ZNF365: variants seen among roughly 807,000 people sequenced by gnomAD.
ZNF365 encodes zinc finger protein 365.
In ZNF365, 22 loss-of-function variants were observed where a neutral mutation model predicts 35.0. The observed-to-expected ratio is 0.63, with a 90% CI of 0.45 to 0.90. The LOEUF is 0.90. ZNF365 is among the 40% of genes least tolerant of loss of function. The probability of loss-of-function intolerance (pLI) is 0.00; values close to 1 mark genes in which losing one functional copy is unlikely to be tolerated. For synonymous variants in ZNF365, 188 were observed against 196.2 expected, an observed-to-expected ratio of 0.96 and a Z score of 0.35; for missense variants, 448 against 500.3, an observed-to-expected ratio of 0.90 and a Z score of 1.00.
intron 3 of ZNF365, among the ~76,000 whole-genome samples, chr10:62,432,122 C>G (rs540276879): frequency 6.6e-6 from 1 of 152,170 alleles, no homozygotes; most frequent in Non-Finnish European, 1.5e-5. Flanking sequence ...CTTGAGACTT[C>G]CAGCAGTATT....
chr10:62,470,655 G>T (rs983496945), intron 4 of ZNF365, among the ~76,000 whole-genome samples: 1 of 152,196 alleles, frequency 6.6e-6, no homozygotes, highest in Non-Finnish European at 1.5e-5. Context: ...TGTTATGACA[G>T]TGCTGGGGTT....
At chr10:62,412,049 C>A (rs1839992639) in intron 3 of ZNF365, among the ~76,000 whole-genome samples, 2 of 152,066 alleles carry the variant, frequency 1.3e-5, no homozygotes, top group Admixed American at 6.6e-5. Context: ...AAAATACTGG[C>A]AAACCGAATC....
At position 62,390,214 on chromosome 10, in the gene ZNF365, C is replaced by T. The variant is rs116777859; in HGVS notation, c.924+1638C>T. Among the ~76,000 whole-genome samples, 1,409 of 152,250 alleles carry T rather than the reference C, an allele frequency of 9.3e-3. 30 individuals carry two copies. Among genetic ancestry groups the T allele is most frequent in the African/African-American group, 0.032 (1,332 of 41,542 alleles). ...TTCTGTAAAATGAAGGGGTTGGATT[C>T]AGTGCTTTCCAGGTTGTTTTGGCCT... On this transcript the variant is annotated intron_variant, in intron 3 of 4. Transcript: ENST00000395254.
chr10:62,435,347 T>C (rs1840391722), intron 3 of ZNF365, among the ~76,000 whole-genome samples: 1 of 152,194 alleles, frequency 6.6e-6, no homozygotes, highest in Admixed American at 6.5e-5. Context: ...CTTAACCTTC[T>C]GAATAATACT....
At chr10:62,472,069 A>G (rs1340613721) in intron 4 of ZNF365, among the ~76,000 whole-genome samples, 1 of 152,228 alleles carries the variant, frequency 6.6e-6, no homozygotes, top group Admixed American at 6.5e-5. Flanking sequence ...ATAGCACAAT[A>G]CACAGCCTGC....
At chr10:62,382,448 C>G (rs959073719) in intron 2 of ZNF365, among the ~76,000 whole-genome samples, 3 of 152,198 alleles carry the variant, frequency 2.0e-5, no homozygotes. Context: ...AGCATATCCT[C>G]TCAGGGTTGG....
In ZNF365 at chr10:62,430,300, C is replaced by A. The variant is rs565135333; in HGVS notation, c.925-29441C>A. 2.0e-3 allele frequency among the ~76,000 whole-genome samples: 291 copies of A among 143,948 alleles called. 1 individual carries two copies. The highest frequency in any genetic ancestry group is 7.9e-3 in the Middle Eastern group (2 of 252). 94.4% of individuals were successfully genotyped at this position (143,948 alleles called of 152,430 possible). ...GGTTCACGCCATTCTCCTGCCTCAG[C>A]CTCCTGAGTAGCTGGGACTACAGGT... On this transcript the variant is annotated intron_variant, in intron 3 of 4. Coordinates refer to the ZNF365 transcript ENST00000395255.
At chr10:62,395,675 G>C (rs977967226) in intron 3 of ZNF365, among the ~76,000 whole-genome samples, 1 of 151,890 alleles carries the variant, frequency 6.6e-6, no homozygotes, top group African/African-American at 2.4e-5. Flanking sequence ...CATTCTAAAT[G>C]CTCCAAAATC....
At chr10:62,397,443 G>A (rs1839748323) in intron 3 of ZNF365, among the ~76,000 whole-genome samples, 2 of 152,114 alleles carry the variant, frequency 1.3e-5, no homozygotes, top group African/African-American at 4.8e-5. Context: ...TATTTTATTT[G>A]TCGTTTCTCT....
chr10:62,375,251 T>C lies in ZNF365; in HGVS notation c.-14+793T>C, dbSNP rs1056275947. On this transcript the variant is annotated intron_variant, in intron 1 of 4. Transcript: ENST00000395254. ...ACAAGGAAACCAGAACTTCCTGTTA[T>C]TAAGAGAGTATGCTGATACCTACCT... is the stretch of plus-strand genomic sequence containing the variant. Among the ~76,000 whole-genome samples, 17 of 152,316 alleles carry C rather than the reference T, an allele frequency of 1.1e-4. No homozygotes were observed. The East Asian group carries it at 2.7e-3, about 24-fold the overall frequency.
intron 4 of ZNF365, among the ~76,000 whole-genome samples, chr10:62,463,861 G>A (rs1298264855): frequency 6.6e-6 from 1 of 152,140 alleles, no homozygotes; most frequent in Non-Finnish European, 1.5e-5. Context: ...GCTTTTTCAA[G>A]GTTGCATCCA....
intron 2 of ZNF365, among the ~76,000 whole-genome samples, chr10:62,383,570 TA>T (rs1564567966): frequency 1.3e-5 from 2 of 152,152 alleles, no homozygotes. Context: ...TAGATTATAA[TA>T]CATGATAGGA....
chr10:62,381,851 G>A (rs548186164), intron 2 of ZNF365, among the ~76,000 whole-genome samples: 3 of 152,292 alleles, frequency 2.0e-5, no homozygotes, highest in Non-Finnish European at 1.5e-5. Context: ...GCAGTGACAC[G>A]TAGAATCTGT....
At chr10:62,378,749 AC>A (rs2132408255) in intron 2 of ZNF365, among the ~76,000 whole-genome samples, 1 of 152,262 alleles carries the variant, frequency 6.6e-6, no homozygotes, top group Non-Finnish European at 1.5e-5. Context: ...TGTGACACAT[AC>A]TGTTCTGCCA....
rs991030732 is a variant in ZNF365 at position 62,401,885 on chromosome 10, C to T, written c.*2096C>T. 15 of 985,242 alleles carry T rather than the reference C, an allele frequency of 1.5e-5. No homozygotes were observed. In the African/African-American group the frequency reaches 1.9e-4, roughly 13 times the overall value. The allele number at this position is 985,242 out of a possible 1,614,324, so 61.0% of individuals were successfully genotyped here. A position where few individuals can be genotyped will look rare whatever the true frequency, so the allele number is the denominator to read the frequency against. ...TCATCCTACTCTACATTTCACAAGA[C>T]GAATTATTTTGAGATTTGTTTATTA... On this transcript the variant is annotated 3_prime_UTR_variant, in exon 5 of 5. Transcript: ENST00000395254.
intron 3 of ZNF365, among the ~76,000 whole-genome samples, chr10:62,393,909 G>A (rs963750064): frequency 2.6e-5 from 4 of 152,058 alleles, no homozygotes; most frequent in African/African-American, 7.3e-5. Flanking sequence ...CCAAGAATGA[G>A]GTATGTGATT....
Position 62,395,216 on chromosome 10 carries a change from G to T in ZNF365, c.925-3524G>T, listed in dbSNP as rs146182625. 4.3e-3 allele frequency among the ~76,000 whole-genome samples: 647 copies of T among 152,210 alleles called. 2 individuals are homozygous for T. The highest frequency in any genetic ancestry group is 7.6e-3 in the Non-Finnish European group (516 of 68,014). On this transcript the variant is annotated intron_variant, in intron 3 of 4. Transcript: ENST00000395254. The stretch of plus-strand genomic sequence containing the variant: ...TGTCTCTATAGCCACAGATACCCTG[G>T]GCAGATTTGGCACTTTGATGATATC...
At chr10:62,477,849 C>G (rs1018183693) in intron 4 of ZNF365, among the ~76,000 whole-genome samples, 1 of 152,168 alleles carries the variant, frequency 6.6e-6, no homozygotes, top group Non-Finnish European at 1.5e-5. Flanking sequence ...GGCCAAGGTA[C>G]GTCACATGGC....
At chr10:62,456,644 C>T (rs1027510610) in intron 3 of ZNF365, among the ~76,000 whole-genome samples, 2 of 152,182 alleles carry the variant, frequency 1.3e-5, no homozygotes, top group Non-Finnish European at 2.9e-5. Flanking sequence ...TCAATGTGAG[C>T]GGGACTCGAT....
Sources: allele counts gnomAD v4.1 joint callset (sites outside exome capture counted in the v4.1 genomes callset), GRCh38; gene constraint gnomAD v4.1.1; transcripts MANE v1.5; gene names NCBI Gene and HGNC (gene_info 2026-07-23, HGNC 2026-07-21).